The following TECRL variants were observed in gnomAD, a reference collection of about 807,000 sequenced individuals.
The protein encoded by TECRL is trans-2,3-enoyl-CoA reductase like.
In TECRL, 63 loss-of-function variants were observed where a neutral mutation model predicts 52.8. The observed-to-expected ratio is 1.19, with a 90% CI of 0.97 to 1.47. The LOEUF is 1.47. Ranked by LOEUF, TECRL falls within the 40% of genes most tolerant of loss-of-function variation. The probability of loss-of-function intolerance (pLI) is 0.00; values close to 1 mark genes in which losing one functional copy is unlikely to be tolerated. For synonymous variants in TECRL, 164 were observed against 141.9 expected (o/e 1.16, Z -1.10); for missense variants, 482 against 429.6 (o/e 1.12, Z -1.08).
intron 1 of TECRL, among the ~76,000 whole-genome samples, chr4:64,391,112 G>A (rs992050528): frequency 4.6e-5 from 7 of 151,666 alleles, no homozygotes; most frequent in South Asian, 2.1e-4. Context: ...TGTCCTCAAC[G>A]TATAAACAAA....
chr4:64,393,791 G>A (rs1006488125), intron 1 of TECRL, among the ~76,000 whole-genome samples: 1 of 151,896 alleles, frequency 6.6e-6, no homozygotes, highest in African/African-American at 2.4e-5. Context: ...TATCTGGAGT[G>A]TTCAAGAAGG....
In TECRL at chr4:64,402,252, TGTAGA is replaced by T. The variant is rs369607791; in HGVS notation, c.234+6861_234+6865del. Among the ~76,000 whole-genome samples, 911 of 152,202 alleles carry T rather than the reference TGTAGA, an allele frequency of 6.0e-3. 18 individuals are homozygous for T. Among genetic ancestry groups the T allele is most frequent in the African/African-American group, 0.021 (877 of 41,544 alleles). On this transcript the variant is annotated intron_variant, in intron 1 of 11. Coordinates refer to ENST00000381210, the MANE Select transcript of TECRL (RefSeq NM_001010874.5). ...ATCTAATTTGGTGCTTCTCAAACTA[TGTAGA>T]GTAAAGTAATTTTTTTTAAACTTCT... is the stretch of plus-strand genomic sequence containing the variant.
At chr4:64,291,550 A>T (rs951721818) in intron 8 of TECRL, among the ~76,000 whole-genome samples, 6 of 152,008 alleles carry the variant, frequency 3.9e-5, no homozygotes, top group Non-Finnish European at 8.8e-5. Context: ...TTTAGAAATT[A>T]TAATTCTTCT....
intron 1 of TECRL, among the ~76,000 whole-genome samples, chr4:64,396,406 A>G (rs2109764161): frequency 6.6e-6 from 1 of 152,202 alleles, no homozygotes; most frequent in South Asian, 2.1e-4. Context: ...TTTGATTAGC[A>G]TTTCTCTAAT....
intron 2 of TECRL, among the ~76,000 whole-genome samples, chr4:64,361,928 C>A (rs1721230120): frequency 6.6e-6 from 1 of 152,048 alleles, no homozygotes; most frequent in African/African-American, 2.4e-5. Flanking sequence ...CAAGATACAG[C>A]AGAAGGTTAA....
At chr4:64,319,342 A>G (rs774541832) in intron 4 of TECRL, among the ~76,000 whole-genome samples, 3 of 151,846 alleles carry the variant, frequency 2.0e-5, no homozygotes, top group Non-Finnish European at 3.0e-5. Flanking sequence ...ACATAAAACT[A>G]CTAAACTCAT....
chr4:64,342,227 C>T (rs1719629231), intron 2 of TECRL, among the ~76,000 whole-genome samples: 1 of 152,258 alleles, frequency 6.6e-6, no homozygotes, highest in South Asian at 2.1e-4. Context: ...TTACTTATGT[C>T]TATTAAGATT....
chr4:64,356,253 C>G (rs893459494), intron 2 of TECRL, among the ~76,000 whole-genome samples: 1 of 152,116 alleles, frequency 6.6e-6, no homozygotes, highest in South Asian at 2.1e-4. Flanking sequence ...ATATGGCCTC[C>G]TGGGATGCGA....
rs770487967 is a variant in TECRL at position 64,302,393 on chromosome 4, C to T, written c.731-2376G>A. ...GAAAAAGACCAGTTAGCATAGAGAG[C>T]AAAGAAGAGCAGTGTCAACTATGAC... On this transcript the variant is annotated intron_variant, in intron 7 of 11. Coordinates refer to ENST00000381210, the MANE Select transcript of TECRL (RefSeq NM_001010874.5). Among the ~76,000 whole-genome samples the T allele has an allele frequency of 2.4e-3, 365 of 150,762 alleles. 4 individuals carry two copies. The highest frequency in any genetic ancestry group is 2.3e-3 in the Non-Finnish European group (156 of 67,304).
intron 9 of TECRL, among the ~76,000 whole-genome samples, chr4:64,286,767 G>C (rs1336794698): frequency 6.6e-6 from 1 of 152,124 alleles, no homozygotes; most frequent in Non-Finnish European, 1.5e-5. Flanking sequence ...AACATTAAAA[G>C]AGGGGGGCCT....
intron 4 of TECRL, among the ~76,000 whole-genome samples, chr4:64,315,414 A>C (rs1717429524): frequency 6.6e-6 from 1 of 152,120 alleles, no homozygotes; most frequent in Non-Finnish European, 1.5e-5. Context: ...GTGATTGCAA[A>C]AGATTAATTG....
intron 3 of TECRL, among the ~76,000 whole-genome samples, chr4:64,325,679 CA>C (rs1007865103): frequency 3.9e-5 from 6 of 151,920 alleles, no homozygotes; most frequent in African/African-American, 1.5e-4. Context: ...TTAAAAAGGA[CA>C]AAAAATTCAG....
intron 2 of TECRL, among the ~76,000 whole-genome samples, chr4:64,335,780 C>T (rs1383919041): frequency 6.6e-6 from 1 of 152,072 alleles, no homozygotes; most frequent in Admixed American, 6.6e-5. Context: ...TATTAGGAGT[C>T]CTTTTTCTTA....
intron 2 of TECRL, among the ~76,000 whole-genome samples, chr4:64,348,813 T>C (rs1004824075): frequency 6.6e-6 from 1 of 152,168 alleles, no homozygotes; most frequent in African/African-American, 2.4e-5. Context: ...CCCGGTGAGA[T>C]TGACCACTCT....
At chr4:64,361,040 C>G (rs1294493519) in intron 2 of TECRL, among the ~76,000 whole-genome samples, 1 of 149,232 alleles carries the variant, frequency 6.7e-6, no homozygotes, top group Admixed American at 6.8e-5. Context: ...GGTGGCCTTC[C>G]CCATGTGACA....
At chr4:64,405,496 T>C (rs1016362964) in intron 1 of TECRL, among the ~76,000 whole-genome samples, 3 of 152,142 alleles carry the variant, frequency 2.0e-5, no homozygotes, top group African/African-American at 7.2e-5. Context: ...CTTAAGTAGC[T>C]CTGTGGAAGA....
At chr4:64,324,874 A>G (rs1718144814) in intron 3 of TECRL, among the ~76,000 whole-genome samples, 1 of 152,152 alleles carries the variant, frequency 6.6e-6, no homozygotes, top group African/African-American at 2.4e-5. Context: ...CAGATTTCTT[A>G]GATAATCCTC....
At chr4:64,355,825 ATT>A in intron 2 of TECRL, among the ~76,000 whole-genome samples, 2 of 151,280 alleles carry the variant, frequency 1.3e-5, no homozygotes, top group Non-Finnish European at 2.9e-5. Flanking sequence ...TAAAACATTA[ATT>A]ATAAAAATAT....
chr4:64,396,661 G>T (rs543137396), intron 1 of TECRL, among the ~76,000 whole-genome samples: 1 of 152,030 alleles, frequency 6.6e-6, no homozygotes, highest in Admixed American at 6.6e-5. Context: ...AATTTCCATA[G>T]GTCCCAGTTG....
Sources: allele counts gnomAD v4.1 joint callset (sites outside exome capture counted in the v4.1 genomes callset), GRCh38; gene constraint gnomAD v4.1.1; transcripts MANE v1.5; gene names NCBI Gene and HGNC (gene_info 2026-07-23, HGNC 2026-07-21).